ATRNL1: variants seen among roughly 807,000 people sequenced by gnomAD.
The protein encoded by ATRNL1 is attractin-like protein 1.
ATRNL1 carries 95 observed loss-of-function variants against 182.7 expected under a neutral mutation model. That is an observed-to-expected ratio of 0.52 (90% confidence interval 0.44 to 0.62). The LOEUF is 0.62. Among genes scored for constraint, ATRNL1 ranks in the 20% least tolerant of loss-of-function variants. The pLI, the probability that ATRNL1 is intolerant of heterozygous loss-of-function variation, is 0.00. For missense variants in ATRNL1, 1,471 were observed against 1,679.5 expected, an observed-to-expected ratio of 0.88 and a Z score of 2.17; for synonymous variants, 576 against 568.3, an observed-to-expected ratio of 1.01 and a Z score of -0.19.
chr10:115,126,492 G>T, intron 3 of ATRNL1, among the ~76,000 whole-genome samples: 1 of 152,074 alleles, frequency 6.6e-6, no homozygotes, highest in African/African-American at 2.4e-5. Context: ...ACTTAAGACT[G>T]GTGTCATAGG....
At chr10:115,883,073 A>AACTCC (rs1951863161) in intron 28 of ATRNL1, among the ~76,000 whole-genome samples, 1 of 152,070 alleles carries the variant, frequency 6.6e-6, no homozygotes, top group South Asian at 2.1e-4. Context: ...GATAATCCCA[A>AACTCC]ACTCCTGTTC....
intron 27 of ATRNL1, among the ~76,000 whole-genome samples, chr10:115,748,933 A>G (rs1948369418): frequency 6.6e-6 from 1 of 151,998 alleles, no homozygotes; most frequent in Admixed American, 6.6e-5. Flanking sequence ...CTTAAATAAT[A>G]TATTTATAAT....
intron 25 of ATRNL1, among the ~76,000 whole-genome samples, chr10:115,538,225 G>A (rs1554991034): frequency 6.6e-6 from 1 of 152,156 alleles, no homozygotes; most frequent in Non-Finnish European, 1.5e-5. Flanking sequence ...AGGAAGTAGG[G>A]TTGCTGGGTC....
At chr10:115,324,097 A>G (rs1854742549) in intron 18 of ATRNL1, among the ~76,000 whole-genome samples, 1 of 151,948 alleles carries the variant, frequency 6.6e-6, no homozygotes. Flanking sequence ...TTTTATGTGT[A>G]TTCTTTGTTT....
At chr10:115,135,544 A>G in intron 5 of ATRNL1, among the ~76,000 whole-genome samples, 1 of 152,242 alleles carries the variant, frequency 6.6e-6, no homozygotes, top group East Asian at 1.9e-4. Flanking sequence ...GAGGATACAA[A>G]CAAATGGAAG....
chr10:115,373,326 T>C (rs1468619995), intron 19 of ATRNL1, among the ~76,000 whole-genome samples: 1 of 152,072 alleles, frequency 6.6e-6, no homozygotes, highest in Non-Finnish European at 1.5e-5. Context: ...ATTTTACTTA[T>C]TTCTTTAAAA....
chr10:115,681,441 A>G (rs1370145671), intron 26 of ATRNL1, among the ~76,000 whole-genome samples: 1 of 152,150 alleles, frequency 6.6e-6, no homozygotes, highest in Non-Finnish European at 1.5e-5. Flanking sequence ...GTCAAAACTG[A>G]TAGCAGTAGG....
At chr10:115,192,716 T>G (rs1332517071) in intron 8 of ATRNL1, among the ~76,000 whole-genome samples, 4 of 149,212 alleles carry the variant, frequency 2.7e-5, no homozygotes, top group Non-Finnish European at 4.4e-5. Flanking sequence ...CCAAATCCGT[T>G]TTTTTGTGTA....
intron 9 of ATRNL1, among the ~76,000 whole-genome samples, chr10:115,221,419 A>G (rs1849460467): frequency 6.6e-6 from 1 of 152,196 alleles, no homozygotes; most frequent in African/African-American, 2.4e-5. Context: ...CTTTGTTGAG[A>G]TACTAGGAAA....
At chr10:115,191,933 T>C (rs1848185024) in intron 8 of ATRNL1, among the ~76,000 whole-genome samples, 1 of 152,130 alleles carries the variant, frequency 6.6e-6, no homozygotes, top group South Asian at 2.1e-4. Context: ...TTTTGCCCAT[T>C]TAAAAATAAG....
chr10:115,235,052 T>C (rs1273645572), intron 9 of ATRNL1, among the ~76,000 whole-genome samples: 1 of 152,180 alleles, frequency 6.6e-6, no homozygotes, highest in Non-Finnish European at 1.5e-5. Flanking sequence ...GTCATGTCTT[T>C]TTAGTCTCCT....
intron 8 of ATRNL1, among the ~76,000 whole-genome samples, chr10:115,199,144 C>G (rs1372549679): frequency 6.6e-6 from 1 of 151,998 alleles, no homozygotes; most frequent in South Asian, 2.1e-4. Context: ...AATGTGGGAT[C>G]TTTCCATTTA....
chr10:115,105,563 C>T (rs1843971047), intron 1 of ATRNL1, among the ~76,000 whole-genome samples: 1 of 152,246 alleles, frequency 6.6e-6, no homozygotes, highest in African/African-American at 2.4e-5. Context: ...CCTCTCATCA[C>T]AGGCCTGGAG....
At chr10:115,683,588 T>A (rs1400875373) in intron 26 of ATRNL1, among the ~76,000 whole-genome samples, 1 of 131,650 alleles carries the variant, frequency 7.6e-6, no homozygotes, top group Non-Finnish European at 1.6e-5. Context: ...ATTTAACACC[T>A]TTTGATATTA....
At position 115,303,085 on chromosome 10, in the gene ATRNL1, G is replaced by GT. The variant is rs371116947; in HGVS notation, c.2818+1043dup. Among the ~76,000 whole-genome samples the GT allele has an allele frequency of 1.5e-3, 224 of 150,654 alleles. 1 individual carries two copies. The highest frequency in any genetic ancestry group is 5.2e-3 in the African/African-American group (212 of 41,042). On this transcript the variant is annotated intron_variant, in intron 17 of 28. Transcript: ENST00000355044. ...GCATTCATTCATATCCCACTCATTG[G>GT]TATCTGTCCCTCTTGTAATTAATCC... is the stretch of plus-strand genomic sequence containing the variant.
At chr10:115,778,650 C>G (rs1949188978) in intron 27 of ATRNL1, among the ~76,000 whole-genome samples, 1 of 152,196 alleles carries the variant, frequency 6.6e-6, no homozygotes, top group South Asian at 2.1e-4. Flanking sequence ...TTGGGCCAGA[C>G]CGCCTAGGCC....
chr10:115,582,696 G>A (rs1311157418), intron 26 of ATRNL1, among the ~76,000 whole-genome samples: 1 of 149,292 alleles, frequency 6.7e-6, no homozygotes, highest in Non-Finnish European at 1.5e-5. Flanking sequence ...TTTGTAGGCT[G>A]CCTGTTCACT....
chr10:115,587,588 G>C (rs71472869), intron 26 of ATRNL1, among the ~76,000 whole-genome samples: 3 of 124,808 alleles, frequency 2.4e-5, no homozygotes, highest in Non-Finnish European at 3.6e-5. Context: ...TGCGCTTCCC[G>C]AGTGAGGCAA....
At chr10:115,295,584 G>T (rs373841235) in intron 15 of ATRNL1, among the ~76,000 whole-genome samples, 1 of 152,256 alleles carries the variant, frequency 6.6e-6, no homozygotes, top group African/African-American at 2.4e-5. Flanking sequence ...CAGGCCCTGA[G>T]TGCAGGCATG....
Sources: gnomAD v4.1 joint callset for allele counts (sites outside exome capture counted in the v4.1 genomes callset) on GRCh38, gnomAD v4.1.1 for gene constraint, MANE v1.5 for transcripts, NCBI Gene and HGNC (gene_info 2026-07-23, HGNC 2026-07-21) for gene names.